SLC1A7: variants seen among roughly 807,000 people sequenced by gnomAD.
The protein encoded by SLC1A7 is excitatory amino acid transporter 5.
In SLC1A7, 40 loss-of-function variants were observed where a neutral mutation model predicts 47.7. The observed-to-expected ratio is 0.84, with a 90% CI of 0.65 to 1.09. SLC1A7 has a LOEUF of 1.09. SLC1A7 is among the 50% of genes least tolerant of loss of function. The pLI, the probability that SLC1A7 is intolerant of heterozygous loss-of-function variation, is 0.00. For synonymous variants in SLC1A7, 323 were observed against 325.6 expected (o/e 0.99, Z 0.09); for missense variants, 746 against 769.5 (o/e 0.97, Z 0.36).
chr1:53,090,682 C>T lies in SLC1A7; in HGVS notation c.1156G>A (p.Ala386Thr), dbSNP rs367561362. 1.2e-6 allele frequency: 2 copies of T among 1,613,544 alleles called. No homozygotes were observed. Among genetic ancestry groups the T allele is most frequent in the South Asian group, 1.1e-5 (1 of 91,040 alleles). Reference protein sequence around the residue: ...INMDGTALYEAVAAIFIAQVN... With the variant: ...INMDGTALYETVAAIFIAQVN... ...TGGGCGATGAAGATGGCGGCCACAG[C>T]CTCGTAGAGCGCAGTGCCGTCCATG... The change falls in exon 8 of 11, where the codon GCT becomes ACT. Residue 386 changes from alanine (A) to threonine (T), a missense_variant. Physicochemically the swap from Ala to Thr is moderately conservative, Grantham distance 58. Coordinates refer to ENST00000371494, the MANE Select transcript of SLC1A7 (RefSeq NM_006671.6).
At chr1:53,094,713 A>T (rs1644465350) in intron 5 of SLC1A7, among the ~76,000 whole-genome samples, 1 of 151,578 alleles carries the variant, frequency 6.6e-6, no homozygotes. Flanking sequence ...GCAGACCCAG[A>T]CTCCCCTGCC....
chr1:53,099,968 C>T (rs1022561678), intron 5 of SLC1A7, among the ~76,000 whole-genome samples: 4 of 151,672 alleles, frequency 2.6e-5, no homozygotes, highest in Admixed American at 2.6e-4. Context: ...TATACTCACA[C>T]CATCTCAGTA....
intron 2 of SLC1A7, among the ~76,000 whole-genome samples, chr1:53,130,585 G>T (rs2150343521): frequency 6.6e-6 from 1 of 152,056 alleles, no homozygotes; most frequent in Non-Finnish European, 1.5e-5. Context: ...CCTGGGGATG[G>T]GAGCACCACA....
In SLC1A7 at chr1:53,092,661, C is replaced by G. The variant is rs1242736974; in HGVS notation, c.924G>C (p.Gly308=). The G allele has an allele frequency of 6.2e-7, 1 of 1,614,056 alleles. No individual in the cohort carries two copies. The highest frequency in any genetic ancestry group is 1.7e-5 in the Admixed American group (1 of 60,022). ...AGTAGAGCAGGGGCAGGATAAAGAG[C>G]CCGTGGAGCACCAGCCCGCACACCA... The part of the protein sequence containing the change: ...VTVVCGLVLH[G]LFILPLLYFF... The change falls in exon 7 of 11, where the codon GGG becomes GGC. Residue 308 remains glycine (G), a synonymous_variant. Coordinates refer to ENST00000371494, the MANE Select transcript of SLC1A7 (RefSeq NM_006671.6).
chr1:53,116,583 C>T (rs1180183632), intron 2 of SLC1A7, among the ~76,000 whole-genome samples: 1 of 152,166 alleles, frequency 6.6e-6, no homozygotes, highest in Admixed American at 6.5e-5. Context: ...ATTGTGCAGC[C>T]AGAGGAAATG....
chr1:53,116,421 G>A (rs553403976), intron 2 of SLC1A7, among the ~76,000 whole-genome samples: 4 of 152,196 alleles, frequency 2.6e-5, no homozygotes, highest in African/African-American at 7.2e-5. Context: ...TGCTGGGTCC[G>A]CAGTTTGGTA....
At chr1:53,096,268 C>T (rs1166563180) in intron 5 of SLC1A7, among the ~76,000 whole-genome samples, 5 of 146,882 alleles carry the variant, frequency 3.4e-5, no homozygotes, top group Non-Finnish European at 6.0e-5. Flanking sequence ...CATCTGTACA[C>T]TCACACACAC....
At chr1:53,097,500 A>ATTTTG (rs1644510737) in intron 5 of SLC1A7, among the ~76,000 whole-genome samples, 1 of 125,012 alleles carries the variant, frequency 8.0e-6, no homozygotes, top group Non-Finnish European at 1.7e-5. Flanking sequence ...CACACACCCC[A>ATTTTG]CCTCGGTACA....
chr1:53,090,250 A>G (rs886761496), intron 8 of SLC1A7: 5 of 542,116 alleles, frequency 9.2e-6, no homozygotes, highest in Non-Finnish European at 1.6e-5. Context: ...TGACCACCAC[A>G]TGGCTCTGCC....
chr1:53,097,699 A>C (rs1172972189), intron 5 of SLC1A7, among the ~76,000 whole-genome samples: 6 of 128,860 alleles, frequency 4.7e-5, no homozygotes, highest in South Asian at 2.6e-4. Flanking sequence ...CACTCATACA[A>C]CCCACCACAG....
In SLC1A7 at chr1:53,089,892, G is replaced by C. The variant is rs1644400932; in HGVS notation, c.1269C>G (p.Pro423=). ...TGACCATGGTGACGAGGCCGGCCTG[G>C]GGGATGCCAGCTGCCCCAATGCTGG... ...TAASIGAAGI[P]QAGLVTMVIV... is the part of the protein sequence containing the mutation. The change falls in exon 9 of 11, where the codon CCC becomes CCG. Residue 423 remains proline, a synonymous_variant. Transcript: ENST00000371494. 1.2e-6 allele frequency: 2 copies of C among 1,613,698 alleles called. No individual in the cohort carries two copies. Among genetic ancestry groups the C allele is most frequent in the Non-Finnish European group, 1.7e-6 (2 of 1,179,992 alleles).
At chr1:53,133,782 C>T (rs1456593555) in intron 2 of SLC1A7, among the ~76,000 whole-genome samples, 1 of 152,134 alleles carries the variant, frequency 6.6e-6, no homozygotes, top group Non-Finnish European at 1.5e-5. Flanking sequence ...TGGGCAAGAG[C>T]TCACCGTCCA....
At chr1:53,110,093 T>A (rs1644686541) in intron 3 of SLC1A7, among the ~76,000 whole-genome samples, 1 of 152,110 alleles carries the variant, frequency 6.6e-6, no homozygotes, top group Non-Finnish European at 1.5e-5. Flanking sequence ...TGCCCAGCCC[T>A]CCCAACCTCA....
chr1:53,141,262 C>T (rs903372761), intron 1 of SLC1A7, among the ~76,000 whole-genome samples: 1 of 152,108 alleles, frequency 6.6e-6, no homozygotes, highest in African/African-American at 2.4e-5. Flanking sequence ...CCTGGCCTGC[C>T]TTCAACAAGA....
chr1:53,114,856 G>A lies in SLC1A7; in HGVS notation c.333C>T (p.Val111=), dbSNP rs893375470. The A allele has an allele frequency of 2.5e-6, 4 of 1,614,188 alleles. No homozygotes were observed. Among genetic ancestry groups the A allele is most frequent in the Non-Finnish European group, 3.4e-6 (4 of 1,180,022 alleles). Residue 111 remains valine, a synonymous_variant, in exon 3 of 11, where the codon GTC becomes GTT. Coordinates refer to ENST00000371494, the MANE Select transcript of SLC1A7 (RefSeq NM_006671.6). ...FMAVIVGIFM[V]SIIHPGSAAQ... ...CCGCGCTGCCTGGGTGGATGATGGA[G>A]ACCATGAAGATGCCCACGATGACAG...
intron 3 of SLC1A7, among the ~76,000 whole-genome samples, chr1:53,109,886 G>T (rs759744515): frequency 1.3e-5 from 2 of 152,172 alleles, no homozygotes; most frequent in Non-Finnish European, 1.5e-5. Context: ...TTCACCCAGA[G>T]CAGCAGCTGA....
chr1:53,123,747 C>T (rs1679974), intron 2 of SLC1A7, among the ~76,000 whole-genome samples: 150,053 of 152,264 alleles, frequency 0.99, 73,977 homozygotes, highest in Middle Eastern at 1. Flanking sequence ...AGCCTGGGAG[C>T]TTTTCGGAGT....
intron 3 of SLC1A7, chr1:53,108,686 G>C: frequency 1.4e-6 from 1 of 717,176 alleles, no homozygotes; most frequent in Non-Finnish European, 2.6e-6. Flanking sequence ...TGGACCATGA[G>C]ACTCAGATGA....
At chr1:53,101,451 G>A (rs563079505) in intron 5 of SLC1A7, among the ~76,000 whole-genome samples, 2 of 126,866 alleles carry the variant, frequency 1.6e-5, no homozygotes, top group Admixed American at 8.1e-5. Flanking sequence ...ATCTCACAAC[G>A]GTACACTCAC....
Sources: gnomAD v4.1 joint callset for allele counts (sites outside exome capture counted in the v4.1 genomes callset) on GRCh38, gnomAD v4.1.1 for gene constraint, MANE v1.5 for transcripts, NCBI Gene and HGNC (gene_info 2026-07-23, HGNC 2026-07-21) for gene names.